BRAT1: variants seen among roughly 807,000 people sequenced by gnomAD.
BRAT1 encodes the protein BRCA1 associated ATM activator 1.
A neutral mutation model predicts 70.6 loss-of-function variants in BRAT1; 74 were observed. That is an observed-to-expected ratio of 1.05 (90% CI 0.87 to 1.27). The LOEUF (loss-of-function observed/expected upper bound fraction) is 1.27. BRAT1 is among the 50% of genes most tolerant of loss of function. BRAT1 has a pLI of 0.00. For synonymous variants in BRAT1, 615 were observed against 517.1 expected, an observed-to-expected ratio of 1.19 and a Z score of -2.57; for missense variants, 1,203 against 1,098.2, an observed-to-expected ratio of 1.10 and a Z score of -1.35.
At chr7:2,546,432 T>C (rs1056161508) in intron 3 of BRAT1, among the ~76,000 whole-genome samples, 10 of 143,912 alleles carry the variant, frequency 6.9e-5, no homozygotes, top group African/African-American at 2.6e-4. Flanking sequence ...ACTCTGTCTC[T>C]AAAAAACAAA....
At chr7:2,540,782 G>A in intron 10 of BRAT1, 197 bp downstream of exon 10, 1 of 512,592 alleles carries the variant, frequency 2.0e-6, no homozygotes. Flanking sequence ...CCTGCGTGCT[G>A]ATGTATCTTC....
chr7:2,552,541 T>C (rs1014649796), intron 2 of BRAT1, among the ~76,000 whole-genome samples: 46 of 151,106 alleles, frequency 3.0e-4, no homozygotes, highest in African/African-American at 1.1e-3. Flanking sequence ...GCTTGGGCAA[T>C]ACGGTGAGAC....
chr7:2,551,878 A>G (rs1208426695), intron 2 of BRAT1, among the ~76,000 whole-genome samples: 1 of 150,746 alleles, frequency 6.6e-6, no homozygotes, highest in East Asian at 1.9e-4. Flanking sequence ...ACCTCCACAA[A>G]GTAAATTAAA....
chr7:2,542,979 C>A, intron 6 of BRAT1: 1 of 435,596 alleles, frequency 2.3e-6, no homozygotes, highest in Non-Finnish European at 4.0e-6. Context: ...TCCTTCTCAC[C>A]TCTGGGGATC....
At position 2,543,207 on chromosome 7, in the gene BRAT1, T is replaced by A. The variant is rs778881636; in HGVS notation, c.920A>T (p.His307Leu). Residue 307 changes from histidine (H) to leucine (L), a missense_variant, in exon 6 of 14, where the codon CAC (histidine) becomes CTC (leucine). By Grantham distance (99) the His-to-Leu change is moderately conservative (BLOSUM62 -3). Coordinates refer to ENST00000340611, the MANE Select transcript of BRAT1 (RefSeq NM_152743.4). This position sits in a 1 kb window ranked among gnomAD's most constrained non-coding sequence, Gnocchi z 5.5. ...PLALGILKLE[H>L]CPQALRTQAF... ...TGAAATGCACCCCAGACCATACCAG[T>A]GCTCGAGCTTCAGGATCCCCAAAGC... is the stretch of plus-strand genomic sequence containing the variant. 1.2e-5 allele frequency: 20 copies of A among 1,604,444 alleles called. No homozygotes were observed. Among genetic ancestry groups the A allele is most frequent in the Non-Finnish European group, 1.7e-5 (20 of 1,175,706 alleles).
rs561476490 is a variant in BRAT1 at position 2,541,461 on chromosome 7, G to A, written c.1158C>T (p.Pro386=). The change falls in exon 9 of 14, where the codon CCC becomes CCT. Residue 386 remains proline, a synonymous_variant. Coordinates refer to ENST00000340611, the MANE Select transcript of BRAT1 (RefSeq NM_152743.4). ...QPLPQRPSPW[P]QASLLGATVT... ...CTGTAGCCCCCAGTAGAGACGCCTG[G>A]GGCCACGGTGAAGGGCGCTGGGGCT... 1.1e-5 allele frequency: 17 copies of A among 1,555,800 alleles called. No individual in the cohort carries two copies. Among genetic ancestry groups the A allele is most frequent in the Middle Eastern group, 4.2e-4 (2 of 4,798 alleles).
At chr7:2,548,833 C>T (rs1483667156) in intron 2 of BRAT1, among the ~76,000 whole-genome samples, 1 of 152,120 alleles carries the variant, frequency 6.6e-6, no homozygotes, top group African/African-American at 2.4e-5. Context: ...GGCATGGTGG[C>T]GGGCGCCTGT....
rs140903769 is a variant in BRAT1, at chr7:2,542,180, C to T, written c.955G>A (p.Val319Ile). The T allele has an allele frequency of 4.7e-4, 733 of 1,567,044 alleles. 3 individuals are homozygous for T. The Middle Eastern group carries it at 6.3e-3, about 14-fold the overall frequency. The change falls in exon 7 of 14, where the codon GTC becomes ATC. Residue 319 changes from valine to isoleucine, a missense_variant. Transcript: ENST00000340611. ...PQALRTQAFQ[V>I]LLQPLACVLK... is the part of the protein sequence containing the mutation. ...ACACAGGCCAGGGGCTGGAGAAGGA[C>T]CTGGAAGGCCTGGGTCCTCAGTGCC...
Position 2,541,432 on chromosome 7 carries a change from G to C in BRAT1, c.1187C>G (p.Thr396Ser). The C allele has an allele frequency of 6.3e-7, 1 of 1,582,218 alleles. No individual in the cohort carries two copies. The highest frequency in any genetic ancestry group is 8.6e-7 in the Non-Finnish European group (1 of 1,165,152). ...CGAGCCGTCACAGAGCCGCAGGACA[G>C]TCACTGTAGCCCCCAGTAGAGACGC... ...PQASLLGATVTVLRLCDGSAA... is the reference protein window; with the variant it reads ...PQASLLGATVSVLRLCDGSAA... Residue 396 changes from threonine to serine, a missense_variant, in exon 9 of 14, where the codon ACT becomes AGT. Physicochemically the swap from Thr to Ser is moderately conservative, Grantham distance 58. Transcript: ENST00000340611.
intron 10 of BRAT1, 102 bp downstream of exon 10, chr7:2,540,877 G>T: frequency 8.4e-7 from 1 of 1,192,692 alleles, no homozygotes; most frequent in Non-Finnish European, 1.1e-6. Context: ...CCTGTGTGAA[G>T]GCCCCATCCG....
At chr7:2,541,542 G>T in intron 8 of BRAT1, 58 bp from the exon 9 acceptor site, 1 of 1,493,292 alleles carries the variant, frequency 6.7e-7, no homozygotes, top group Non-Finnish European at 9.0e-7. Context: ...GTGGATGCAG[G>T]GGTGCTGGGA....
rs776324979 is a variant in BRAT1, at chr7:2,539,201, G to A, written c.1748C>T (p.Pro583Leu). 1.1e-4 allele frequency: 170 copies of A among 1,609,062 alleles called. No homozygotes were observed. Among genetic ancestry groups the A allele is most frequent in the Middle Eastern group, 2.2e-4 (1 of 4,614 alleles). ...SSQGLHAPTSPEHAEARQSLF... is the reference protein window; with the variant it reads ...SSQGLHAPTSLEHAEARQSLF... ...TACCTGCCGGGCCTCTGCATGCTCAGGGCTGGTGGGGGCGTGCAGGCCCTG... is the reference window on the plus strand; with the variant it reads ...TACCTGCCGGGCCTCTGCATGCTCAAGGCTGGTGGGGGCGTGCAGGCCCTG... Residue 583 changes from proline (P) to leucine (L), a missense_variant, in exon 13 of 14, where the codon CCT (proline) becomes CTT (leucine). Physicochemically the swap from Pro to Leu is moderately conservative, Grantham distance 98. Coordinates refer to ENST00000340611, the MANE Select transcript of BRAT1 (RefSeq NM_152743.4).
intron 2 of BRAT1, among the ~76,000 whole-genome samples, chr7:2,550,296 G>A (rs1406237220): frequency 2.0e-5 from 3 of 151,166 alleles, no homozygotes; most frequent in South Asian, 2.1e-4. Flanking sequence ...GTGAAACCCC[G>A]TCACTACAAA....
rs138410612 is a variant in BRAT1, at chr7:2,546,838, T to C, written c.282+486A>G. Among the ~76,000 whole-genome samples the C allele has an allele frequency of 3.9e-5, 6 of 152,360 alleles. 1 individual carries two copies. The highest frequency in any genetic ancestry group is 2.1e-4 in the South Asian group (1 of 4,824). On this transcript the variant is annotated intron_variant, in intron 3 of 13. Coordinates refer to ENST00000340611, the MANE Select transcript of BRAT1 (RefSeq NM_152743.4). ...TTCTCATTAGTTATTCATTCATTTG[T>C]AGGCTGGGTCGCTGGAGGTGCAGGA...
chr7:2,545,916 C>A (rs1161217351), intron 3 of BRAT1, among the ~76,000 whole-genome samples: 1 of 152,238 alleles, frequency 6.6e-6, no homozygotes, highest in Admixed American at 6.5e-5. Flanking sequence ...TGCTAGGGAG[C>A]CTGCAGCTGC....
Position 2,543,133 on chromosome 7 carries a change from G to A in BRAT1, c.923+71C>T, listed in dbSNP as rs2128395378. On this transcript the variant is annotated intron_variant, in intron 6 of 13. Transcript: ENST00000340611. This position sits in a 1 kb window ranked among gnomAD's most constrained non-coding sequence, Gnocchi z 5.5. ...CCGGAACTCCCCTGCCATGAGGGCTGCGCTCTCAACCTCCCTGCCTGCCCC... is the reference window on the plus strand; with the variant it reads ...CCGGAACTCCCCTGCCATGAGGGCTACGCTCTCAACCTCCCTGCCTGCCCC... 6.7e-7 allele frequency: 1 copy of A among 1,481,774 alleles called. No homozygotes were observed. The highest frequency in any genetic ancestry group is 9.0e-7 in the Non-Finnish European group (1 of 1,112,860). 91.8% of individuals were successfully genotyped at this position (1,481,774 alleles called of 1,614,324 possible). A position where few individuals can be genotyped will look rare whatever the true frequency, so the allele number is the denominator to read the frequency against.
intron 10 of BRAT1, 32 bp downstream of exon 10, chr7:2,540,947 C>T (rs1779101442): frequency 2.0e-6 from 3 of 1,495,018 alleles, no homozygotes; most frequent in Non-Finnish European, 2.7e-6. Context: ...CTGCCTCCCT[C>T]CTCTCCTCGC....
rs767671540 is a variant in BRAT1 at position 2,543,275 on chromosome 7, C to T, written c.852G>A (p.Ala284=). ...SSDGSLWETV[A]RALSCLGPTH... is the part of the protein sequence containing the mutation. ...TGGGACCCAGGCAGCTCAGAGCCCG[C>T]GCCACTGTCTCCCACAGGCTGCCGT... The change falls in exon 6 of 14, where the codon GCG becomes GCA. Residue 284 remains alanine, a synonymous_variant. Coordinates refer to ENST00000340611, the MANE Select transcript of BRAT1 (RefSeq NM_152743.4). The surrounding 1 kb of genome is among the most constrained non-coding windows in gnomAD (Gnocchi z 5.5). 32 of 1,611,238 alleles carry T rather than the reference C, an allele frequency of 2.0e-5. No homozygotes were observed. The highest frequency in any genetic ancestry group is 3.3e-4 in the Middle Eastern group (2 of 6,038).
rs537027887 is a variant in BRAT1 at position 2,538,839 on chromosome 7, A to G, written c.1771-75T>C. 136 of 1,568,200 alleles carry G rather than the reference A, an allele frequency of 8.7e-5. No individual in the cohort carries two copies. In the African/African-American group the frequency reaches 1.6e-3, roughly 19 times the overall value. ...GGCTCCCGCAACAGGACTCCGGTACATGATGGGGGCTGGCCCCGGACATGC... is the reference window on the plus strand; with the variant it reads ...GGCTCCCGCAACAGGACTCCGGTACGTGATGGGGGCTGGCCCCGGACATGC... On this transcript the variant is annotated intron_variant, in intron 13 of 13. Transcript: ENST00000340611.
Sources: gnomAD v4.1 joint callset for allele counts (sites outside exome capture counted in the v4.1 genomes callset) on GRCh38, gnomAD v4.1.1 for gene constraint, Gnocchi (gnomAD v3.1) non-coding constraint, MANE v1.5 for transcripts, NCBI Gene and HGNC (gene_info 2026-07-23, HGNC 2026-07-21) for gene names.